The following BARD1 variants were observed in gnomAD, a reference collection of about 807,000 sequenced individuals.
BARD1 encodes the protein BRCA1-associated RING domain protein 1.
In BARD1, 73 loss-of-function variants were observed where a neutral mutation model predicts 77.0. The ratio of observed to expected loss-of-function variants is 0.95; its 90% CI spans 0.79 to 1.15. The LOEUF (loss-of-function observed/expected upper bound fraction) is 1.15. Among genes scored for constraint, BARD1 ranks in the 50% most tolerant of loss-of-function variants. The pLI is 0.00. For synonymous variants in BARD1, 384 were observed against 338.0 expected (o/e 1.14, Z -1.49); for missense variants, 993 against 938.8 (o/e 1.06, Z -0.75).
At chr2:214,794,567 TTTA>T (rs1206657604) in intron 2 of BARD1, among the ~76,000 whole-genome samples, 2 of 112,658 alleles carry the variant, frequency 1.8e-5, no homozygotes, top group Admixed American at 9.7e-5. Context: ...TATTAATGGG[TTTA>T]TTATTTTTAA....
Position 214,752,642 on chromosome 2 carries a change from A to C in BARD1, c.1569-87T>G, listed in dbSNP as rs2106039402. 4 of 954,124 alleles carry C rather than the reference A, an allele frequency of 4.2e-6. No homozygotes were observed. Among genetic ancestry groups the C allele is most frequent in the African/African-American group, 1.6e-5 (1 of 61,252 alleles). The allele number at this position is 954,124 out of a possible 1,614,324, so 59.1% of individuals were successfully genotyped here. On this transcript the variant is annotated intron_variant, in intron 6 of 10. Coordinates refer to ENST00000260947, the MANE Select transcript of BARD1 (RefSeq NM_000465.4). ...AACATCCTTAATAATATACAATTTTAACTAAAATAAATTACTCAGAACTCA... is the reference window on the plus strand; with the variant it reads ...AACATCCTTAATAATATACAATTTTCACTAAAATAAATTACTCAGAACTCA...
At chr2:214,751,086 TGTGTGTGTGTG>T (rs1693386895) in intron 7 of BARD1, among the ~76,000 whole-genome samples, 1 of 2,422 alleles carries the variant, frequency 4.1e-4, no homozygotes, top group South Asian at 0.024. Context: ...ATTCTGTGTG[TGTGTGTGTGTG>T]TGTGTGTGTG....
chr2:214,808,301 T>G (rs951561311), intron 1 of BARD1, among the ~76,000 whole-genome samples: 1 of 152,060 alleles, frequency 6.6e-6, no homozygotes, highest in African/African-American at 2.4e-5. Context: ...CCCAGCTACT[T>G]GGGAGGCTGA....
intron 3 of BARD1, among the ~76,000 whole-genome samples, chr2:214,791,802 T>C (rs915433806): frequency 1.3e-5 from 2 of 152,172 alleles, no homozygotes; most frequent in Non-Finnish European, 2.9e-5. Flanking sequence ...ATTCCATATA[T>C]ATTCTGCAGA....
intron 3 of BARD1, among the ~76,000 whole-genome samples, chr2:214,784,733 G>A (rs1326908621): frequency 6.6e-6 from 1 of 152,070 alleles, no homozygotes; most frequent in East Asian, 1.9e-4. Flanking sequence ...GCAGGGACAT[G>A]GATGAAGCTG....
intron 1 of BARD1, among the ~76,000 whole-genome samples, chr2:214,808,345 C>T (rs6757242): frequency 0.33 from 50,368 of 152,142 alleles, 8,851 homozygotes; most frequent in South Asian, 0.42. Context: ...GGAGGCGGAG[C>T]TTGCAGTGAG....
chr2:214,745,825 A>G lies in BARD1; in HGVS notation c.1707T>C (p.Pro569=), dbSNP rs1446799885. ...ACAGCCCACTGCCTATAAGTACAAG[A>G]GGTCCATCCCTACGCTGCCCAGTGT... ...VMNTGQRRDG[P]LVLIGSGLSS... The change falls in exon 8 of 11, where the codon CCT becomes CCC. Residue 569 remains proline, a synonymous_variant. Coordinates refer to ENST00000260947, the MANE Select transcript of BARD1 (RefSeq NM_000465.4). The G allele has an allele frequency of 6.2e-7, 1 of 1,614,076 alleles. No individual in the cohort carries two copies.
At chr2:214,801,416 T>C (rs1397320387) in intron 1 of BARD1, among the ~76,000 whole-genome samples, 1 of 152,220 alleles carries the variant, frequency 6.6e-6, no homozygotes, top group Non-Finnish European at 1.5e-5. Context: ...TGTCGTTCAT[T>C]TAACAAATAC....
intron 1 of BARD1, among the ~76,000 whole-genome samples, chr2:214,799,953 C>A (rs896657490): frequency 1.3e-5 from 2 of 152,180 alleles, no homozygotes; most frequent in East Asian, 3.9e-4. Context: ...TTTCCTTCCA[C>A]CGCATTTTAA....
At chr2:214,734,710 G>A (rs1019083361) in intron 9 of BARD1, among the ~76,000 whole-genome samples, 16 of 152,024 alleles carry the variant, frequency 1.1e-4, no homozygotes, top group Non-Finnish European at 2.4e-4. Context: ...TCTGGTCAAA[G>A]GAGAAAAAGA....
intron 4 of BARD1, among the ~76,000 whole-genome samples, chr2:214,779,951 C>CA (rs1440249489): frequency 1.3e-5 from 2 of 152,090 alleles, no homozygotes; most frequent in African/African-American, 4.8e-5. Flanking sequence ...GAAAACAGGC[C>CA]AGGTTCCATA....
intron 7 of BARD1, among the ~76,000 whole-genome samples, chr2:214,749,017 A>C (rs1034766987): frequency 6.6e-6 from 1 of 152,102 alleles, no homozygotes; most frequent in Non-Finnish European, 1.5e-5. Context: ...AATACATTAC[A>C]TCAAATGAGA....
intron 2 of BARD1, among the ~76,000 whole-genome samples, chr2:214,795,226 T>C (rs1402719626): frequency 6.6e-6 from 1 of 152,170 alleles, no homozygotes; most frequent in African/African-American, 2.4e-5. Flanking sequence ...AGCTGATATA[T>C]AACTGGTAAA....
chr2:214,801,803 A>G (rs1696031930), intron 1 of BARD1, among the ~76,000 whole-genome samples: 1 of 140,516 alleles, frequency 7.1e-6, no homozygotes, highest in South Asian at 2.4e-4. Context: ...AGAAGAGAGC[A>G]TCTAGTTGGG....
At chr2:214,754,056 C>T (rs1693582800) in intron 6 of BARD1, among the ~76,000 whole-genome samples, 1 of 152,088 alleles carries the variant, frequency 6.6e-6, no homozygotes, top group African/African-American at 2.4e-5. Flanking sequence ...AACTCATCCA[C>T]TATTCTTGAT....
chr2:214,801,849 C>CGGG (rs11457040), intron 1 of BARD1, among the ~76,000 whole-genome samples: 2,248 of 113,448 alleles, frequency 0.02, 90 homozygotes, highest in Admixed American at 0.028. Flanking sequence ...AAATATTTGG[C>CGGG]GGGGGGGGGG....
intron 9 of BARD1, among the ~76,000 whole-genome samples, chr2:214,742,183 T>C (rs900569214): frequency 6.6e-6 from 1 of 152,212 alleles, no homozygotes; most frequent in African/African-American, 2.4e-5. Flanking sequence ...CTATCATCTT[T>C]TAATATGAAT....
At position 214,742,680 on chromosome 2, in the gene BARD1, A is replaced by C. The variant is rs913798230; in HGVS notation, c.1903+2387T>G. On this transcript the variant is annotated intron_variant, in intron 9 of 10. Coordinates refer to ENST00000260947, the MANE Select transcript of BARD1 (RefSeq NM_000465.4). ...AAAAACGACACGGCCAAGATATTAAAGTGACAAAACCCACATTTCCCAAAG... is the reference window on the plus strand; with the variant it reads ...AAAAACGACACGGCCAAGATATTAACGTGACAAAACCCACATTTCCCAAAG... 2.0e-5 allele frequency among the ~76,000 whole-genome samples: 3 copies of C among 152,314 alleles called. No individual in the cohort carries two copies. The East Asian group carries it at 5.8e-4, about 29-fold the overall frequency.
At chr2:214,750,281 A>G (rs887348885) in intron 7 of BARD1, among the ~76,000 whole-genome samples, 2 of 151,574 alleles carry the variant, frequency 1.3e-5, no homozygotes, top group South Asian at 2.1e-4. Flanking sequence ...GTCTCTTCCT[A>G]CTCCCAGCTA....
Sources: allele counts gnomAD v4.1 joint callset (sites outside exome capture counted in the v4.1 genomes callset), GRCh38; gene constraint gnomAD v4.1.1; transcripts MANE v1.5; gene names NCBI Gene and HGNC (gene_info 2026-07-23, HGNC 2026-07-21).